Variants in PTP4A3 observed in about 807,000 individuals in gnomAD.
The protein encoded by PTP4A3 is protein tyrosine phosphatase 4A3.
In PTP4A3, 9 loss-of-function variants were observed where a neutral mutation model predicts 15.2. The observed-to-expected ratio is 0.59, with a 90% CI of 0.36 to 1.03. PTP4A3 has a LOEUF of 1.03. Among genes scored for constraint, PTP4A3 ranks in the 50% least tolerant of loss-of-function variants. The pLI is 0.02. For synonymous variants in PTP4A3, 95 were observed against 102.0 expected (o/e 0.93, Z 0.41); for missense variants, 234 against 252.1 (o/e 0.93, Z 0.49).
At chr8:141,403,504 A>ACGATGCCAGTTTTAAGTGAAAATTGGTTT (rs1479638681) in intron 1 of PTP4A3, among the ~76,000 whole-genome samples, 1 of 152,212 alleles carries the variant, frequency 6.6e-6, no homozygotes, top group Non-Finnish European at 1.5e-5. Context: ...TTTAAGCAAA[A>ACGATGCCAGTTTTAAGTGAAAATTGGTTT]CGATGCCAGT....
chr8:141,401,814 G>A (rs1342710335), intron 1 of PTP4A3, among the ~76,000 whole-genome samples: 3 of 152,188 alleles, frequency 2.0e-5, no homozygotes, highest in East Asian at 3.9e-4. Flanking sequence ...ACGTGGGCCG[G>A]AGCATGGACA....
chr8:141,410,299 C>T (rs1049007297), intron 1 of PTP4A3, among the ~76,000 whole-genome samples: 6 of 152,210 alleles, frequency 3.9e-5, no homozygotes, highest in African/African-American at 9.6e-5. Flanking sequence ...AGGTGGGGTT[C>T]GGTGAGGCAC....
At chr8:141,426,537 C>T (rs1338902834) in intron 3 of PTP4A3, 2 of 985,264 alleles carry the variant, frequency 2.0e-6, no homozygotes, top group Non-Finnish European at 2.4e-6. Context: ...GGGATGAGAC[C>T]CTTTGCACCA....
rs1487335442 is a variant in PTP4A3, at chr8:141,421,807, G to A, written c.-434G>A. ...GTGGAGAGGGCGCCCCCGGTGTGGG[G>A]TCCAGCTCTGGACACTGCTTGGCGG... On this transcript the variant is annotated 5_prime_UTR_variant, in exon 2 of 6. Coordinates refer to ENST00000521578, the MANE Select transcript of PTP4A3 (RefSeq NM_032611.3). The A allele has an allele frequency of 6.1e-6, 1 of 165,236 alleles. No homozygotes were observed. Among genetic ancestry groups the A allele is most frequent in the Non-Finnish European group, 1.3e-5 (1 of 77,098 alleles). 10.2% of individuals were successfully genotyped at this position (165,236 alleles called of 1,614,324 possible).
rs182354303 is a variant in PTP4A3 at position 141,425,148 on chromosome 8, G to A, written c.198+8G>A. On this transcript the variant is annotated splice_region_variant and intron_variant, in intron 3 of 5. Coordinates refer to ENST00000521578, the MANE Select transcript of PTP4A3 (RefSeq NM_032611.3). The surrounding 1 kb of genome is among the most constrained non-coding windows in gnomAD (Gnocchi z 4.2). ...GATGGCATCACCGTTGTGGTGAGGCGCGCGCCACGGGGACCCTAGTCACTG... is the reference window on the plus strand; with the variant it reads ...GATGGCATCACCGTTGTGGTGAGGCACGCGCCACGGGGACCCTAGTCACTG... 6.3e-5 allele frequency: 101 copies of A among 1,597,872 alleles called. No individual in the cohort carries two copies. In the East Asian group the frequency reaches 1.5e-3, roughly 24 times the overall value.
intron 1 of PTP4A3, among the ~76,000 whole-genome samples, chr8:141,401,589 C>T (rs982709369): frequency 6.6e-6 from 1 of 152,150 alleles, no homozygotes; most frequent in Non-Finnish European, 1.5e-5. Context: ...GCTGTTCCCA[C>T]GGCTGCCCAG....
chr8:141,396,149 G>A (rs956213435), intron 1 of PTP4A3, among the ~76,000 whole-genome samples: 3 of 152,218 alleles, frequency 2.0e-5, no homozygotes, highest in East Asian at 1.9e-4. Flanking sequence ...AGCCAGAACC[G>A]GCCCCATTAT....
intron 1 of PTP4A3, among the ~76,000 whole-genome samples, chr8:141,417,407 G>A (rs921552792): frequency 2.6e-5 from 4 of 152,136 alleles, no homozygotes; most frequent in Admixed American, 1.3e-4. Flanking sequence ...TGGGGCTGGT[G>A]GGCTGGGCAG....
Position 141,425,687 on chromosome 8 carries a change from G to A in PTP4A3, c.198+547G>A, listed in dbSNP as rs1013707108. Among the ~76,000 whole-genome samples the A allele has an allele frequency of 5.9e-5, 9 of 152,152 alleles. No individual in the cohort carries two copies. The highest frequency in any genetic ancestry group is 2.6e-4 in the Admixed American group (4 of 15,288). On this transcript the variant is annotated intron_variant, in intron 3 of 5. Transcript: ENST00000521578. The surrounding 1 kb of genome is among the most constrained non-coding windows in gnomAD (Gnocchi z 4.2). The stretch of plus-strand genomic sequence containing the variant: ...CCCCAGGGGGGTCCACCCCCGGCCC[G>A]GTGGACGACTGCCCCCCTGGTGCAG...
intron 1 of PTP4A3, among the ~76,000 whole-genome samples, chr8:141,418,979 G>A (rs1325984653): frequency 2.6e-5 from 4 of 152,126 alleles, no homozygotes; most frequent in Non-Finnish European, 2.9e-5. Flanking sequence ...CAGGGGTAGG[G>A]GCCCTAGGCT....
intron 1 of PTP4A3, among the ~76,000 whole-genome samples, chr8:141,402,868 C>G (rs767707283): frequency 6.6e-6 from 1 of 152,166 alleles, no homozygotes; most frequent in East Asian, 1.9e-4. Context: ...AGGAAGTGAG[C>G]GTGAGAACCG....
intron 1 of PTP4A3, among the ~76,000 whole-genome samples, chr8:141,395,788 G>A (rs1051875545): frequency 2.7e-5 from 4 of 150,570 alleles, no homozygotes; most frequent in African/African-American, 7.4e-5. Flanking sequence ...GATGTCCCCT[G>A]GCTCCTCTCC....
rs1416962119 is a variant in PTP4A3, at chr8:141,425,658, C to T, written c.198+518C>T. Among the ~76,000 whole-genome samples the T allele has an allele frequency of 6.6e-6, 1 of 152,080 alleles. No individual in the cohort carries two copies. Among genetic ancestry groups the T allele is most frequent in the Non-Finnish European group, 1.5e-5 (1 of 67,952 alleles). ...GGCCACAGCAGCTGCAGGCCCAGAGCCAGCCCCAGGGGGGTCCACCCCCGG... is the reference window on the plus strand; with the variant it reads ...GGCCACAGCAGCTGCAGGCCCAGAGTCAGCCCCAGGGGGGTCCACCCCCGG... On this transcript the variant is annotated intron_variant, in intron 3 of 5. Transcript: ENST00000521578. The surrounding 1 kb of genome is among the most constrained non-coding windows in gnomAD (Gnocchi z 4.2).
At chr8:141,428,954 G>A (rs529740527) in intron 5 of PTP4A3, among the ~76,000 whole-genome samples, 14 of 152,288 alleles carry the variant, frequency 9.2e-5, no homozygotes, top group Middle Eastern at 6.8e-3. Flanking sequence ...CACCTTCCCC[G>A]GGTTCTCTCC....
intron 2 of PTP4A3, 63 bp downstream of exon 2, chr8:141,422,408 G>T (rs1833377664): frequency 1.3e-6 from 2 of 1,580,404 alleles, no homozygotes; most frequent in South Asian, 2.2e-5. Context: ...CGGCTGAGCT[G>T]CCCTCAGGCC....
At chr8:141,429,911 G>A (rs112233791) in intron 5 of PTP4A3, among the ~76,000 whole-genome samples, 1 of 42,676 alleles carries the variant, frequency 2.3e-5, no homozygotes, top group Non-Finnish European at 4.8e-5. Flanking sequence ...CAGGGTGAGC[G>A]CACAGTCCGG....
intron 1 of PTP4A3, among the ~76,000 whole-genome samples, 186 bp from the exon 2 acceptor site, chr8:141,421,202 C>T (rs796675810): frequency 6.6e-5 from 10 of 152,312 alleles, no homozygotes; most frequent in East Asian, 1.9e-4. Flanking sequence ...TGGCAGGAGC[C>T]GTGCTTCCTT....
chr8:141,404,032 G>A (rs541858061), intron 1 of PTP4A3, among the ~76,000 whole-genome samples: 18 of 152,350 alleles, frequency 1.2e-4, no homozygotes, highest in East Asian at 3.9e-4. Flanking sequence ...ATCCCCTCTC[G>A]GGGCACACTC....
At chr8:141,423,301 C>G (rs1287968947) in intron 2 of PTP4A3, among the ~76,000 whole-genome samples, 1 of 152,182 alleles carries the variant, frequency 6.6e-6, no homozygotes, top group Non-Finnish European at 1.5e-5. Flanking sequence ...AGCTGAGACC[C>G]CTGAGATAAC....
Sources: gnomAD v4.1 joint callset for allele counts (sites outside exome capture counted in the v4.1 genomes callset) on GRCh38, gnomAD v4.1.1 for gene constraint, Gnocchi (gnomAD v3.1) non-coding constraint, MANE v1.5 for transcripts, NCBI Gene and HGNC (gene_info 2026-07-23, HGNC 2026-07-21) for gene names.